DIP2C: variants seen among roughly 807,000 people sequenced by gnomAD.
DIP2C encodes disco-interacting protein 2 homolog C.
In DIP2C, 33 loss-of-function variants were observed where a neutral mutation model predicts 192.4. The ratio of observed to expected loss-of-function variants is 0.17; its 90% CI spans 0.13 to 0.23. The LOEUF (loss-of-function observed/expected upper bound fraction) is 0.23. DIP2C is among the 10% of genes least tolerant of loss of function. DIP2C has a pLI of 1.00. For missense variants in DIP2C, 1,537 were observed against 2,110.1 expected, an observed-to-expected ratio of 0.73 and a Z score of 5.32; for synonymous variants, 979 against 864.1, an observed-to-expected ratio of 1.13 and a Z score of -2.33.
chr10:584,740 CCT>C (rs1434292886), intron 1 of DIP2C, among the ~76,000 whole-genome samples: 1 of 107,162 alleles, frequency 9.3e-6, no homozygotes, highest in African/African-American at 3.9e-5. Flanking sequence ...ACGCGCATCA[CCT>C]CTCAGATAAT....
At chr10:593,451 G>C (rs938646944) in intron 1 of DIP2C, among the ~76,000 whole-genome samples, 3 of 150,846 alleles carry the variant, frequency 2.0e-5, no homozygotes, top group Non-Finnish European at 2.9e-5. Flanking sequence ...CCACACCCGG[G>C]TCTGTGCATG....
intron 1 of DIP2C, among the ~76,000 whole-genome samples, chr10:560,295 T>A (rs1215756699): frequency 1.3e-5 from 2 of 151,786 alleles, no homozygotes; most frequent in African/African-American, 4.8e-5. Context: ...GTTCGGAGAA[T>A]GAGGCCATGT....
chr10:573,970 C>T (rs1849986559), intron 1 of DIP2C, among the ~76,000 whole-genome samples: 1 of 152,226 alleles, frequency 6.6e-6, no homozygotes, highest in African/African-American at 2.4e-5. Context: ...CAAACACGTT[C>T]TGAACGGTCC....
chr10:681,625 C>T (rs181524704), intron 1 of DIP2C, among the ~76,000 whole-genome samples: 1 of 152,280 alleles, frequency 6.6e-6, no homozygotes, highest in Admixed American at 6.5e-5. Context: ...CCATCTATGG[C>T]CACGGAAATT....
chr10:680,927 C>A (rs534008936), intron 1 of DIP2C, among the ~76,000 whole-genome samples: 7 of 152,016 alleles, frequency 4.6e-5, no homozygotes, highest in African/African-American at 9.7e-5. Context: ...GTGCAGCCAC[C>A]GCCTGTGGCC....
At chr10:528,516 G>A (rs942140986) in intron 1 of DIP2C, among the ~76,000 whole-genome samples, 1 of 152,256 alleles carries the variant, frequency 6.6e-6, no homozygotes, top group Non-Finnish European at 1.5e-5. Context: ...TATCCCGGAT[G>A]TGGACACTTA....
intron 13 of DIP2C, among the ~76,000 whole-genome samples, chr10:389,659 T>G (rs1963297846): frequency 6.6e-6 from 1 of 152,314 alleles, no homozygotes; most frequent in South Asian, 2.1e-4. Context: ...TTGCATTCAG[T>G]GGGGTGGTAG....
chr10:424,286 A>T lies in DIP2C; in HGVS notation c.395-1253T>A, dbSNP rs1010561927. Among the ~76,000 whole-genome samples the T allele has an allele frequency of 2.7e-5, 4 of 149,798 alleles. No individual in the cohort carries two copies. In the South Asian group the frequency reaches 8.5e-4, roughly 32 times the overall value. On this transcript the variant is annotated intron_variant, in intron 4 of 36. Coordinates refer to ENST00000280886, the MANE Select transcript of DIP2C (RefSeq NM_014974.3). Reference sequence around the variant, plus strand: ...GTCACATGACTTATGCTGTCTGGGAATTTTTTTAAAAGTTTACTTGTTAGA... The same window carrying T: ...GTCACATGACTTATGCTGTCTGGGATTTTTTTTAAAAGTTTACTTGTTAGA...
chr10:548,117 G>C lies in DIP2C; in HGVS notation c.86-61587C>G, dbSNP rs371263370. On this transcript the variant is annotated intron_variant, in intron 1 of 36. Coordinates refer to ENST00000280886, the MANE Select transcript of DIP2C (RefSeq NM_014974.3). ...AAATTCTGAGCAAACCAGGTGGTGTGGTGGTCCCCTGTCCCCACCTCTGCC... is the reference window on the plus strand; with the variant it reads ...AAATTCTGAGCAAACCAGGTGGTGTCGTGGTCCCCTGTCCCCACCTCTGCC... Among the ~76,000 whole-genome samples, 72 of 152,064 alleles carry C rather than the reference G, an allele frequency of 4.7e-4. No individual in the cohort carries two copies. In the South Asian group the frequency reaches 8.5e-3, roughly 18 times the overall value.
At chr10:285,854 G>A (rs1459986863) in intron 34 of DIP2C, among the ~76,000 whole-genome samples, 13 of 152,238 alleles carry the variant, frequency 8.5e-5, no homozygotes, top group Admixed American at 7.2e-4. Flanking sequence ...ATAAACACAT[G>A]ATCTCTTGGC....
intron 1 of DIP2C, among the ~76,000 whole-genome samples, chr10:618,457 G>C (rs888914149): frequency 1.3e-5 from 2 of 152,200 alleles, no homozygotes; most frequent in Non-Finnish European, 2.9e-5. Flanking sequence ...TTTCTCAAAT[G>C]CACAGCTGTC....
In DIP2C at chr10:444,636, C is replaced by G. The variant is rs558933231; in HGVS notation, c.269-3640G>C. On this transcript the variant is annotated intron_variant, in intron 3 of 36. Transcript: ENST00000280886. ...CATTCATGAGGAGTGTTCCTTGGCG[C>G]TATTCCGTCACCTGACACTCGTGTA... 1.2e-3 allele frequency among the ~76,000 whole-genome samples: 178 copies of G among 152,302 alleles called. 1 individual carries two copies. The highest frequency in any genetic ancestry group is 4.1e-3 in the African/African-American group (170 of 41,552).
chr10:497,844 G>A (rs1226784981), intron 1 of DIP2C, among the ~76,000 whole-genome samples: 1 of 152,254 alleles, frequency 6.6e-6, no homozygotes, highest in Non-Finnish European at 1.5e-5. Context: ...TTTTGGAATA[G>A]GTTGGGACAG....
At chr10:293,370 G>C (rs893065512) in intron 32 of DIP2C, among the ~76,000 whole-genome samples, 1 of 152,218 alleles carries the variant, frequency 6.6e-6, no homozygotes, top group Non-Finnish European at 1.5e-5. Context: ...GCACAGCCAC[G>C]CTCACCGTGT....
intron 1 of DIP2C, among the ~76,000 whole-genome samples, chr10:532,758 T>TGAGAGAGTATGGGTGTGA (rs1564825012): frequency 3.0e-5 from 3 of 99,878 alleles, no homozygotes; most frequent in African/African-American, 9.4e-5. Flanking sequence ...TATGGGTGTG[T>TGAGAGAGTATGGGTGTGA]GAGAGAGTAT....
intron 35 of DIP2C, 36 bp downstream of exon 35, chr10:283,236 A>C (rs537220720): frequency 6.8e-7 from 1 of 1,480,092 alleles, no homozygotes; most frequent in African/African-American, 2.5e-5. Context: ...CTCTCTGCCC[A>C]TCTGTTGGGG....
rs564171184 is a variant in DIP2C, at chr10:573,043, G to A, written c.86-86513C>T. ...TCAGCAAATAGCATCATCCACCCACGAATGAGAGGTACCATTTTCATTCTC... is the reference window on the plus strand; with the variant it reads ...TCAGCAAATAGCATCATCCACCCACAAATGAGAGGTACCATTTTCATTCTC... On this transcript the variant is annotated intron_variant, in intron 1 of 36. Transcript: ENST00000280886. Among the ~76,000 whole-genome samples, 8 of 151,122 alleles carry A rather than the reference G, an allele frequency of 5.3e-5. No individual in the cohort carries two copies. The East Asian group carries it at 1.5e-3, about 29-fold the overall frequency.
intron 1 of DIP2C, among the ~76,000 whole-genome samples, chr10:671,793 G>T (rs1197909539): frequency 4.0e-5 from 5 of 124,744 alleles, no homozygotes; most frequent in African/African-American, 9.2e-5. Flanking sequence ...ACGGACGGAG[G>T]AAACAGGCCA....
At position 546,244 on chromosome 10, in the gene DIP2C, T is replaced by C. The variant is rs542381227; in HGVS notation, c.86-59714A>G. The stretch of plus-strand genomic sequence containing the variant: ...TTGAAGTGAGCCGAGGTCACGCCAC[T>C]ACACTCCAGCCTGGGTGACAGAGCA... On this transcript the variant is annotated intron_variant, in intron 1 of 36. Coordinates refer to ENST00000280886, the MANE Select transcript of DIP2C (RefSeq NM_014974.3). Among the ~76,000 whole-genome samples the C allele has an allele frequency of 1.9e-3, 271 of 142,558 alleles. 2 individuals carry two copies. The highest frequency in any genetic ancestry group is 3.2e-3 in the Non-Finnish European group (211 of 66,692). The allele number at this position is 142,558 out of a possible 152,430, so 93.5% of individuals were successfully genotyped here.
Sources: gnomAD v4.1 joint callset for allele counts (sites outside exome capture counted in the v4.1 genomes callset) on GRCh38, gnomAD v4.1.1 for gene constraint, MANE v1.5 for transcripts, NCBI Gene and HGNC (gene_info 2026-07-23, HGNC 2026-07-21) for gene names.